TMEM45A: variants seen among roughly 807,000 people sequenced by gnomAD.
TMEM45A encodes the protein DNA polymerase-transactivated protein 4.
In TMEM45A, 25 loss-of-function variants were observed where a neutral mutation model predicts 32.0. The observed-to-expected ratio is 0.78, with a 90% CI of 0.57 to 1.09. TMEM45A has a LOEUF of 1.09. Ranked by LOEUF, TMEM45A falls within the 50% of genes least tolerant of loss-of-function variation. The pLI, the probability that TMEM45A is intolerant of heterozygous loss-of-function variation, is 0.00. For synonymous variants in TMEM45A, 122 were observed against 114.8 expected (o/e 1.06, Z -0.40); for missense variants, 302 against 325.0 (o/e 0.93, Z 0.54).
intron 1 of TMEM45A, among the ~76,000 whole-genome samples, chr3:100,504,695 C>G (rs1287622819): frequency 6.6e-6 from 1 of 152,196 alleles, no homozygotes; most frequent in African/African-American, 2.4e-5. Flanking sequence ...TTGTTTCAAA[C>G]AGGGAACACA....
chr3:100,525,014 C>A (rs576478807), intron 1 of TMEM45A, among the ~76,000 whole-genome samples: 99 of 152,062 alleles, frequency 6.5e-4, no homozygotes, highest in African/African-American at 2.1e-3. Flanking sequence ...CATAGTGAGA[C>A]CTTGTCTTTA....
chr3:100,519,379 G>A, intron 1 of TMEM45A: 1 of 578,382 alleles, frequency 1.7e-6, no homozygotes, highest in South Asian at 2.0e-5. Flanking sequence ...TTGTGTGTGT[G>A]TGTGTGCATG....
chr3:100,573,166 C>T (rs1476494651), intron 5 of TMEM45A: 4 of 151,658 alleles, frequency 2.6e-5, no homozygotes, highest in Non-Finnish European at 4.4e-5. Flanking sequence ...ATGGGGATGG[C>T]ATTGAATCTA....
chr3:100,571,101 T>C (rs2148996657), intron 5 of TMEM45A: 1 of 152,292 alleles, frequency 6.6e-6, no homozygotes, highest in East Asian at 1.9e-4. Context: ...CTAAAACTTC[T>C]TACACTCTTT....
intron 4 of TMEM45A, among the ~76,000 whole-genome samples, chr3:100,566,516 C>T (rs1229881659): frequency 2.0e-5 from 3 of 152,102 alleles, no homozygotes; most frequent in Non-Finnish European, 4.4e-5. Flanking sequence ...TTAGGCCTTT[C>T]CTTGCAATGG....
intron 1 of TMEM45A, among the ~76,000 whole-genome samples, chr3:100,516,793 AT>A (rs201646051): frequency 1.2e-4 from 18 of 149,934 alleles, no homozygotes; most frequent in East Asian, 3.9e-4. Flanking sequence ...AAGAGAGCCC[AT>A]TTTTTTTTTC....
At chr3:100,527,568 A>G (rs1277974985) in intron 1 of TMEM45A, among the ~76,000 whole-genome samples, 1 of 152,184 alleles carries the variant, frequency 6.6e-6, no homozygotes, top group East Asian at 1.9e-4. Flanking sequence ...TTCCAACCTT[A>G]TGAAATATGA....
chr3:100,525,856 G>A (rs900114014), intron 1 of TMEM45A, among the ~76,000 whole-genome samples: 1 of 152,152 alleles, frequency 6.6e-6, no homozygotes, highest in African/African-American at 2.4e-5. Context: ...AAGTAGTACT[G>A]GCTCTGGAAG....
intron 4 of TMEM45A, among the ~76,000 whole-genome samples, chr3:100,565,322 TG>T (rs1283233394): frequency 2.2e-4 from 33 of 152,150 alleles, no homozygotes; most frequent in Non-Finnish European, 1.5e-5. Flanking sequence ...ACAGTAGAAA[TG>T]GAAGTTTTCT....
At chr3:100,503,573 C>G (rs559341608) in intron 1 of TMEM45A, among the ~76,000 whole-genome samples, 18 of 152,314 alleles carry the variant, frequency 1.2e-4, no homozygotes, top group African/African-American at 3.8e-4. Flanking sequence ...TTCTAAATGT[C>G]ATTGCAGAGG....
chr3:100,534,032 A>G (rs553536290), intron 1 of TMEM45A, among the ~76,000 whole-genome samples: 4 of 152,288 alleles, frequency 2.6e-5, no homozygotes, highest in African/African-American at 4.8e-5. Flanking sequence ...TTCAAGCCAA[A>G]TGTGAGACCT....
Position 100,512,865 on chromosome 3 carries a change from G to T in TMEM45A, c.-4+19937G>T, listed in dbSNP as rs796566489. Among the ~76,000 whole-genome samples, 33 of 152,160 alleles carry T rather than the reference G, an allele frequency of 2.2e-4. No homozygotes were observed. In the East Asian group the frequency reaches 5.6e-3, roughly 26 times the overall value. ...CAAACACCTCTACACAAATAAACTA[G>T]AAAATCTAGAAGAAATGGATAAATT... On this transcript the variant is annotated intron_variant, in intron 1 of 5. Coordinates refer to ENST00000323523, the MANE Select transcript of TMEM45A (RefSeq NM_018004.3).
intron 1 of TMEM45A, among the ~76,000 whole-genome samples, chr3:100,500,805 A>G (rs1158712286): frequency 6.6e-6 from 1 of 152,268 alleles, no homozygotes; most frequent in Non-Finnish European, 1.5e-5. Flanking sequence ...TTTAAAAAAA[A>G]TGACCAGCAA....
At chr3:100,505,267 A>G (rs1047208848) in intron 1 of TMEM45A, among the ~76,000 whole-genome samples, 1 of 152,352 alleles carries the variant, frequency 6.6e-6, no homozygotes, top group African/African-American at 2.4e-5. Context: ...ATGAGAAAGA[A>G]GCAGCTACAT....
chr3:100,523,800 TCTCCTC>T (rs879882124), intron 1 of TMEM45A, among the ~76,000 whole-genome samples: 4 of 123,368 alleles, frequency 3.2e-5, no homozygotes, highest in Non-Finnish European at 6.3e-5. Context: ...TTCTTCTCCT[TCTCCTC>T]CTCCTCCTCC....
intron 1 of TMEM45A, among the ~76,000 whole-genome samples, chr3:100,494,440 G>C (rs1364585419): frequency 6.6e-6 from 1 of 152,134 alleles, no homozygotes; most frequent in African/African-American, 2.4e-5. Flanking sequence ...TGGCCAACAT[G>C]GTGAATCCCT....
chr3:100,535,452 A>C (rs185234932), intron 1 of TMEM45A, among the ~76,000 whole-genome samples: 1 of 152,222 alleles, frequency 6.6e-6, no homozygotes, highest in Non-Finnish European at 1.5e-5. Flanking sequence ...CCTCCACTCC[A>C]GTCAAAATTG....
At chr3:100,519,679 A>G (rs1705398434) in intron 1 of TMEM45A, 1 of 1,464,650 alleles carries the variant, frequency 6.8e-7, no homozygotes. Flanking sequence ...TGATTCATAA[A>G]GACCTAGTTT....
chr3:100,569,467 C>G (rs867432676), intron 5 of TMEM45A, among the ~76,000 whole-genome samples: 4 of 152,096 alleles, frequency 2.6e-5, no homozygotes, highest in African/African-American at 9.7e-5. Context: ...TTTATAAGAA[C>G]CCCAGTATAA....
Sources: allele counts gnomAD v4.1 joint callset (sites outside exome capture counted in the v4.1 genomes callset), GRCh38; gene constraint gnomAD v4.1.1; transcripts MANE v1.5; gene names NCBI Gene and HGNC (gene_info 2026-07-23, HGNC 2026-07-21).